The following CCSER1 variants were observed in gnomAD, a reference collection of about 807,000 sequenced individuals.
CCSER1 encodes the protein coiled-coil serine rich protein 1.
A neutral mutation model predicts 82.0 loss-of-function variants in CCSER1; 41 were observed. The ratio of observed to expected loss-of-function variants is 0.50; its 90% CI spans 0.39 to 0.65. The LOEUF is 0.65. Ranked by LOEUF, CCSER1 falls within the 30% of genes least tolerant of loss-of-function variation. The pLI, the probability that CCSER1 is intolerant of heterozygous loss-of-function variation, is 0.00. For synonymous variants in CCSER1, 414 were observed against 383.9 expected (o/e 1.08, Z -0.92); for missense variants, 1,119 against 1,064.2 (o/e 1.05, Z -0.72).
intron 9 of CCSER1, among the ~76,000 whole-genome samples, chr4:91,027,314 T>C (rs1353136727): frequency 1.3e-5 from 2 of 152,054 alleles, no homozygotes; most frequent in Admixed American, 1.3e-4. Context: ...ATAAGGGAGA[T>C]AATCACATAA....
chr4:91,231,182 A>G (rs1738600655), intron 10 of CCSER1, among the ~76,000 whole-genome samples: 1 of 151,926 alleles, frequency 6.6e-6, no homozygotes, highest in Non-Finnish European at 1.5e-5. Context: ...AATGGCATAC[A>G]TAAAATAAGG....
chr4:90,169,654 T>C (rs1394351309), intron 1 of CCSER1, among the ~76,000 whole-genome samples: 2 of 152,078 alleles, frequency 1.3e-5, no homozygotes, highest in African/African-American at 2.4e-5. Flanking sequence ...GTTACTGAAA[T>C]GCATTCATTT....
At chr4:90,389,235 C>T (rs1750583743) in intron 3 of CCSER1, among the ~76,000 whole-genome samples, 1 of 152,118 alleles carries the variant, frequency 6.6e-6, no homozygotes, top group Admixed American at 6.5e-5. Context: ...ATTATACACA[C>T]TGACAGTTGT....
At chr4:90,669,770 A>T (rs13111043) in intron 6 of CCSER1, among the ~76,000 whole-genome samples, 2 of 151,864 alleles carry the variant, frequency 1.3e-5, no homozygotes, top group South Asian at 2.1e-4. Flanking sequence ...ATGCTTGTAG[A>T]TATAAGTTAT....
chr4:91,052,783 G>A (rs1743117390), intron 9 of CCSER1, among the ~76,000 whole-genome samples: 1 of 151,948 alleles, frequency 6.6e-6, no homozygotes, highest in Admixed American at 6.6e-5. Flanking sequence ...TTGATGTAAT[G>A]GATTTACTCT....
At chr4:91,300,701 GA>G (rs1197749175) in intron 10 of CCSER1, among the ~76,000 whole-genome samples, 1 of 151,308 alleles carries the variant, frequency 6.6e-6, no homozygotes, top group Non-Finnish European at 1.5e-5. Context: ...GCTGGCAACT[GA>G]AAAAAAATGG....
At chr4:90,459,539 G>C (rs1479349149) in intron 4 of CCSER1, among the ~76,000 whole-genome samples, 1 of 152,012 alleles carries the variant, frequency 6.6e-6, no homozygotes, top group African/African-American at 2.4e-5. Flanking sequence ...CCGTAGAGTT[G>C]ATTTCTCCTG....
chr4:90,912,852 A>T (rs867916680), intron 8 of CCSER1, among the ~76,000 whole-genome samples: 3 of 152,378 alleles, frequency 2.0e-5, no homozygotes, highest in Middle Eastern at 3.4e-3. Context: ...CCCAAGCTTC[A>T]GTAGCTGATT....
At chr4:91,345,957 T>C (rs963405313) in intron 10 of CCSER1, among the ~76,000 whole-genome samples, 1 of 152,094 alleles carries the variant, frequency 6.6e-6, no homozygotes, top group Admixed American at 6.5e-5. Context: ...TCTTTTCAGA[T>C]TGGATTACTT....
chr4:91,566,392 G>A (rs751334509), intron 10 of CCSER1, among the ~76,000 whole-genome samples: 18 of 152,076 alleles, frequency 1.2e-4, no homozygotes, highest in Non-Finnish European at 2.4e-4. Context: ...TCAAGATGAT[G>A]CTGGCCTCAT....
chr4:91,385,704 G>C (rs774374285), intron 10 of CCSER1, among the ~76,000 whole-genome samples: 1 of 151,700 alleles, frequency 6.6e-6, no homozygotes, highest in Admixed American at 6.6e-5. Flanking sequence ...TTGTTGCCAC[G>C]GGGTAAGGGA....
intron 1 of CCSER1, among the ~76,000 whole-genome samples, chr4:90,140,912 G>T (rs545904356): frequency 6.6e-6 from 1 of 151,716 alleles, no homozygotes; most frequent in Non-Finnish European, 1.5e-5. Flanking sequence ...TGATCTGCCC[G>T]CCTCAGCCTC....
At chr4:91,505,952 G>T (rs1050233041) in intron 10 of CCSER1, among the ~76,000 whole-genome samples, 5 of 152,072 alleles carry the variant, frequency 3.3e-5, no homozygotes, top group Non-Finnish European at 5.9e-5. Flanking sequence ...GATCCCATTT[G>T]TCAATTTTTG....
intron 10 of CCSER1, among the ~76,000 whole-genome samples, chr4:91,389,566 C>T (rs142200777): frequency 0.019 from 2,830 of 151,796 alleles, 63 homozygotes; most frequent in African/African-American, 0.064. Flanking sequence ...TATTCTGGGT[C>T]TTTTGTTTCT....
intron 10 of CCSER1, among the ~76,000 whole-genome samples, chr4:91,351,235 A>T (rs961112539): frequency 3.3e-5 from 5 of 152,030 alleles, no homozygotes; most frequent in African/African-American, 1.2e-4. Context: ...ATACACATCA[A>T]TGTTGCACAA....
At chr4:90,154,257 T>C (rs1387271971) in intron 1 of CCSER1, among the ~76,000 whole-genome samples, 1 of 152,234 alleles carries the variant, frequency 6.6e-6, no homozygotes, top group Non-Finnish European at 1.5e-5. Flanking sequence ...TTGGTACCAG[T>C]ACCATGCTGT....
intron 10 of CCSER1, among the ~76,000 whole-genome samples, chr4:91,361,691 A>G (rs1461263535): frequency 6.6e-6 from 1 of 151,810 alleles, no homozygotes; most frequent in Non-Finnish European, 1.5e-5. Flanking sequence ...ATCTATGAAG[A>G]CACTAATTAA....
chr4:90,535,369 G>A (rs2153632838), intron 5 of CCSER1, among the ~76,000 whole-genome samples: 1 of 152,142 alleles, frequency 6.6e-6, no homozygotes, highest in African/African-American at 2.4e-5. Flanking sequence ...AGGATCATTT[G>A]AGCCCAGGAA....
intron 1 of CCSER1, among the ~76,000 whole-genome samples, chr4:90,191,499 A>T (rs952470435): frequency 3.9e-5 from 6 of 151,992 alleles, no homozygotes; most frequent in African/African-American, 1.2e-4. Flanking sequence ...AGGGAGAGAG[A>T]CAGCACTATA....
Sources: gnomAD v4.1 joint callset for allele counts (sites outside exome capture counted in the v4.1 genomes callset) on GRCh38, gnomAD v4.1.1 for gene constraint, MANE v1.5 for transcripts, NCBI Gene and HGNC (gene_info 2026-07-23, HGNC 2026-07-21) for gene names.